Variants in FBXO36 observed in about 807,000 individuals in gnomAD.
FBXO36 encodes the protein F-box protein 36.
A neutral mutation model predicts 17.0 loss-of-function variants in FBXO36; 18 were observed. That is an observed-to-expected ratio of 1.06 (90% CI 0.73 to 1.57). The LOEUF (loss-of-function observed/expected upper bound fraction) is 1.57, where lower values mean the gene tolerates loss of function less well. Ranked by LOEUF, FBXO36 falls within the 40% of genes most tolerant of loss-of-function variation. FBXO36 has a pLI of 0.00. For synonymous variants in FBXO36, 83 were observed against 85.3 expected (o/e 0.97, Z 0.15); for missense variants, 229 against 221.9 (o/e 1.03, Z -0.20).
chr2:229,952,645 G>T (rs2077063075), intron 1 of FBXO36, among the ~76,000 whole-genome samples: 1 of 152,124 alleles, frequency 6.6e-6, no homozygotes, highest in South Asian at 2.1e-4. Flanking sequence ...CCAGCAGTTT[G>T]CTAAAGGAGG....
At chr2:229,996,628 G>C in intron 2 of FBXO36, 123 bp from the exon 3 acceptor site, 1 of 1,061,382 alleles carries the variant, frequency 9.4e-7, no homozygotes, top group South Asian at 1.7e-5. Context: ...AAGTAGGAAT[G>C]ACTTAGCATC....
chr2:229,979,374 T>C (rs1423721295), intron 2 of FBXO36, among the ~76,000 whole-genome samples: 1 of 151,620 alleles, frequency 6.6e-6, no homozygotes, highest in Non-Finnish European at 1.5e-5. Flanking sequence ...ATGTATGTGA[T>C]AGTTTTGTTT....
chr2:230,011,598 C>CTTTTTTTTTTTTTTTTTTTTT lies in FBXO36; in HGVS notation c.*731_*732insTTTTTTTTTTTTTTTTTTTTT, dbSNP rs5839351. The CTTTTTTTTTTTTTTTTTTTTT allele has an allele frequency of 1.5e-4, 19 of 123,428 alleles. No homozygotes were observed. The highest frequency in any genetic ancestry group is 2.3e-4 in the East Asian group (1 of 4,376). 7.6% of individuals were successfully genotyped at this position (123,428 alleles called of 1,614,324 possible). ...AACCTATAAACATTTCTTTTCTTTTCTTTTTTTTTTTTTTTTTGTATTTTC... is the reference window on the plus strand; with the variant it reads ...AACCTATAAACATTTCTTTTCTTTTCTTTTTTTTTTTTTTTTTTTTTTTTTTTTTTTTTTTTTTGTATTTTC... On this transcript the variant is annotated 3_prime_UTR_variant, in exon 4 of 4. Coordinates refer to ENST00000283946, the MANE Select transcript of FBXO36 (RefSeq NM_174899.5).
intron 1 of FBXO36, among the ~76,000 whole-genome samples, chr2:229,955,724 AAACCC>A (rs1312303650): frequency 5.9e-5 from 9 of 152,158 alleles, no homozygotes; most frequent in African/African-American, 2.2e-4. Context: ...TTTAAGTACA[AAACCC>A]ATCTAATTCC....
chr2:229,926,555 C>A (rs1465425617), intron 1 of FBXO36, among the ~76,000 whole-genome samples: 1 of 151,688 alleles, frequency 6.6e-6, no homozygotes, highest in Non-Finnish European at 1.5e-5. Flanking sequence ...ACCAGCCTGG[C>A]CAACATGGTA....
chr2:229,932,794 G>A, intron 1 of FBXO36: 1 of 180,086 alleles, frequency 5.6e-6, no homozygotes, highest in South Asian at 8.9e-5. Context: ...GCATAGCCGG[G>A]CGCAGTGGCT....
chr2:230,004,140 T>C (rs1393300618), intron 3 of FBXO36, among the ~76,000 whole-genome samples: 1 of 152,206 alleles, frequency 6.6e-6, no homozygotes, highest in African/African-American at 2.4e-5. Context: ...CCTTTTGCCT[T>C]TGCTTAACAC....
chr2:229,924,702 C>A (rs1158315699), intron 1 of FBXO36, among the ~76,000 whole-genome samples: 1 of 151,562 alleles, frequency 6.6e-6, no homozygotes. Context: ...AAGAATAATT[C>A]TGTTGTTGGT....
intron 3 of FBXO36, among the ~76,000 whole-genome samples, chr2:230,009,184 A>AG (rs1035056694): frequency 2.0e-5 from 3 of 152,086 alleles, no homozygotes; most frequent in Non-Finnish European, 2.9e-5. Context: ...GTCAGGACAC[A>AG]GGGGGGCACA....
At chr2:230,008,327 A>G (rs948035912) in intron 3 of FBXO36, among the ~76,000 whole-genome samples, 3 of 152,068 alleles carry the variant, frequency 2.0e-5, no homozygotes, top group Non-Finnish European at 4.4e-5. Flanking sequence ...CAACTTGACA[A>G]TTTATGTATG....
In FBXO36 at chr2:230,012,042, T is replaced by A. The variant is rs2077418457; in HGVS notation, c.*1158T>A. On this transcript the variant is annotated 3_prime_UTR_variant, in exon 4 of 4. Coordinates refer to ENST00000283946, the MANE Select transcript of FBXO36 (RefSeq NM_174899.5). The stretch of plus-strand genomic sequence containing the variant: ...AAATAATCTAATGACTCCTTTTAGG[T>A]TACAGAGCAAAGTAGCTTTCTACTT... The A allele has an allele frequency of 6.6e-6, 1 of 152,170 alleles. No individual in the cohort carries two copies. The highest frequency in any genetic ancestry group is 6.5e-5 in the Admixed American group (1 of 15,272). 9.4% of individuals were successfully genotyped at this position (152,170 alleles called of 1,614,324 possible). A position where few individuals can be genotyped will look rare whatever the true frequency, so the allele number is the denominator to read the frequency against.
rs577200007 is a variant in FBXO36 at position 229,998,826 on chromosome 2, C to T, written c.378+1903C>T. ...TTTTTTTTTTTTTTTTTTTTGAGACCGAGTCTCTGTCTGTCGCCCAGGCTG... is the reference window on the plus strand; with the variant it reads ...TTTTTTTTTTTTTTTTTTTTGAGACTGAGTCTCTGTCTGTCGCCCAGGCTG... On this transcript the variant is annotated intron_variant, in intron 3 of 3. Coordinates refer to ENST00000283946, the MANE Select transcript of FBXO36 (RefSeq NM_174899.5). Among the ~76,000 whole-genome samples, 6 of 147,052 alleles carry T rather than the reference C, an allele frequency of 4.1e-5. No homozygotes were observed. In the South Asian group the frequency reaches 1.3e-3, roughly 32 times the overall value.
At chr2:229,967,332 A>G (rs1216087711) in intron 1 of FBXO36, among the ~76,000 whole-genome samples, 1 of 152,162 alleles carries the variant, frequency 6.6e-6, no homozygotes, top group African/African-American at 2.4e-5. Flanking sequence ...AACAGGGACA[A>G]TTTGACTTCC....
In FBXO36 at chr2:229,970,750, T is replaced by C. The variant is rs189621447; in HGVS notation, c.97-5491T>C. On this transcript the variant is annotated intron_variant, in intron 1 of 3. Transcript: ENST00000283946. Reference sequence around the variant, plus strand: ...AACTTTCGTCTGTGTATTCCACTTATATTTTCCTTTTTTAGATATATTCAC... The same window carrying C: ...AACTTTCGTCTGTGTATTCCACTTACATTTTCCTTTTTTAGATATATTCAC... Among the ~76,000 whole-genome samples, 7 of 152,328 alleles carry C rather than the reference T, an allele frequency of 4.6e-5. No homozygotes were observed. The East Asian group carries it at 1.2e-3, about 25-fold the overall frequency.
chr2:229,972,532 A>G (rs2077186004), intron 1 of FBXO36, among the ~76,000 whole-genome samples: 6 of 152,092 alleles, frequency 3.9e-5, no homozygotes. Context: ...GTAAGTGACC[A>G]GCAAGTGAAC....
intron 2 of FBXO36, among the ~76,000 whole-genome samples, chr2:229,981,227 G>A (rs759605134): frequency 2.0e-5 from 3 of 152,090 alleles, no homozygotes; most frequent in African/African-American, 4.8e-5. Flanking sequence ...AGTGGCTCAC[G>A]CCTGTAATCC....
chr2:229,981,114 G>C (rs1249908191), intron 2 of FBXO36, among the ~76,000 whole-genome samples: 1 of 152,178 alleles, frequency 6.6e-6, no homozygotes. Flanking sequence ...ACAGCTGATT[G>C]CTCCTCCCCT....
chr2:229,963,723 C>T (rs1323796568), intron 1 of FBXO36, among the ~76,000 whole-genome samples: 9 of 152,134 alleles, frequency 5.9e-5, no homozygotes, highest in African/African-American at 1.7e-4. Flanking sequence ...GAATTACAGG[C>T]GTGAGCCACC....
intron 2 of FBXO36, among the ~76,000 whole-genome samples, chr2:229,996,423 G>A (rs1343364516): frequency 6.6e-6 from 1 of 152,152 alleles, no homozygotes. Flanking sequence ...GGGGCCATGA[G>A]TACAATGGTA....
Sources: gnomAD v4.1 joint callset for allele counts (sites outside exome capture counted in the v4.1 genomes callset) on GRCh38, gnomAD v4.1.1 for gene constraint, MANE v1.5 for transcripts, NCBI Gene and HGNC (gene_info 2026-07-23, HGNC 2026-07-21) for gene names.